The following PRDM15 variants were observed in gnomAD, a reference collection of about 807,000 sequenced individuals.
The protein encoded by PRDM15 is PR domain zinc finger protein 15.
In PRDM15, 64 loss-of-function variants were observed where a neutral mutation model predicts 128.6. That is an observed-to-expected ratio of 0.50 (90% CI 0.41 to 0.61). PRDM15 has a LOEUF of 0.61. PRDM15 is among the 20% of genes least tolerant of loss of function. The pLI, the probability that PRDM15 is intolerant of heterozygous loss-of-function variation, is 0.00. For synonymous variants in PRDM15, 615 were observed against 621.8 expected, an observed-to-expected ratio of 0.99 and a Z score of 0.16; for missense variants, 1,242 against 1,569.1, an observed-to-expected ratio of 0.79 and a Z score of 3.52.
intron 1 of PRDM15, chr21:41,861,492 A>G (rs1048931406): frequency 1.9e-5 from 25 of 1,318,704 alleles, no homozygotes; most frequent in Non-Finnish European, 2.4e-5. Context: ...GCATAAAGTG[A>G]GATACACACA....
chr21:41,862,507 G>C lies in PRDM15; in HGVS notation c.-9-2135C>G, dbSNP rs1023439395. ...CTGCTGGGAGAGGAAACCCAGAAGA[G>C]AGGGGCGAGGGAAGCTGGAGAGCAG... is the stretch of plus-strand genomic sequence containing the variant. On this transcript the variant is annotated intron_variant, in intron 1 of 23. Coordinates refer to ENST00000398548, the MANE Select transcript of PRDM15 (RefSeq NM_001040424.3). This position sits in a 1 kb window ranked among gnomAD's most constrained non-coding sequence, Gnocchi z 4.1. Among the ~76,000 whole-genome samples the C allele has an allele frequency of 3.3e-5, 5 of 152,170 alleles. No individual in the cohort carries two copies. The highest frequency in any genetic ancestry group is 3.3e-4 in the Admixed American group (5 of 15,284).
Position 41,859,791 on chromosome 21 carries a change from T to C in PRDM15, c.38-106A>G. The C allele has an allele frequency of 1.2e-6, 1 of 849,116 alleles. No homozygotes were observed. The highest frequency in any genetic ancestry group is 1.9e-6 in the Non-Finnish European group (1 of 522,050). 52.6% of individuals were successfully genotyped at this position (849,116 alleles called of 1,614,324 possible). A position where few individuals can be genotyped will look rare whatever the true frequency, so the allele number is the denominator to read the frequency against. On this transcript the variant is annotated intron_variant, in intron 2 of 23. Coordinates refer to ENST00000398548, the MANE Select transcript of PRDM15 (RefSeq NM_001040424.3). The surrounding 1 kb of genome is among the most constrained non-coding windows in gnomAD (Gnocchi z 5.3). ...GCCCCATGAGGGTGACCCAGAGTCA[T>C]GAGACACATGCATGCCGACACTGCA...
chr21:41,826,102 C>A (rs757703047), intron 12 of PRDM15, 48 bp from the exon 13 acceptor site: 3 of 1,452,706 alleles, frequency 2.1e-6, no homozygotes, highest in Non-Finnish European at 9.7e-7. Context: ...ACATAGAACA[C>A]GCGAAGGTCC....
chr21:41,860,106 G>A (rs375993194), intron 2 of PRDM15, among the ~76,000 whole-genome samples: 2 of 152,112 alleles, frequency 1.3e-5, no homozygotes, highest in South Asian at 2.1e-4. Flanking sequence ...AAGTGCCCTC[G>A]GCCAGGAGTT....
rs117129228 is a variant in PRDM15 at position 41,862,396 on chromosome 21, G to A, written c.-9-2024C>T. Among the ~76,000 whole-genome samples, 5,165 of 152,188 alleles carry A rather than the reference G, an allele frequency of 0.034. 130 individuals carry two copies. Among genetic ancestry groups the A allele is most frequent in the Middle Eastern group, 0.09 (26 of 290 alleles). On this transcript the variant is annotated intron_variant, in intron 1 of 23. Coordinates refer to ENST00000398548, the MANE Select transcript of PRDM15 (RefSeq NM_001040424.3). The surrounding 1 kb of genome is among the most constrained non-coding windows in gnomAD (Gnocchi z 4.1). ...AGGCCTTGTGTGGCCGCCTCTCCCC[G>A]GGGCAGACCTTGCCTCTGGCCTACA...
chr21:41,832,197 C>CT lies in PRDM15; in HGVS notation c.1366+3239dup, dbSNP rs1177151605. Among the ~76,000 whole-genome samples the CT allele has an allele frequency of 6.6e-6, 1 of 152,210 alleles. No homozygotes were observed. Among genetic ancestry groups the CT allele is most frequent in the African/African-American group, 2.4e-5 (1 of 41,448 alleles). On this transcript the variant is annotated intron_variant, in intron 11 of 23. Transcript: ENST00000398548. This position sits in a 1 kb window ranked among gnomAD's most constrained non-coding sequence, Gnocchi z 4.2. ...ACTGTAGATAATTTAGTGATGGAAT[C>CT]TTTAGTAATGCAGATTTTTTTCTTC... is the stretch of plus-strand genomic sequence containing the variant.
At position 41,823,496 on chromosome 21, in the gene PRDM15, G is replaced by C. The variant is rs73357703; in HGVS notation, c.1630-47C>G. On this transcript the variant is annotated intron_variant, in intron 13 of 23. Transcript: ENST00000398548. The stretch of plus-strand genomic sequence containing the variant: ...GTGAGGGGCTGCGGCGTCTCGTGAC[G>C]GGAAGGAGCCTCTCCATCAGGCTCC... 7 of 1,531,122 alleles carry C rather than the reference G, an allele frequency of 4.6e-6. 1 individual carries two copies. In the African/African-American group the frequency reaches 6.9e-5, roughly 15 times the overall value. The allele number at this position is 1,531,122 out of a possible 1,614,324, so 94.8% of individuals were successfully genotyped here.
At chr21:41,846,032 G>A (rs2146700170) in intron 6 of PRDM15, among the ~76,000 whole-genome samples, 1 of 152,156 alleles carries the variant, frequency 6.6e-6, no homozygotes, top group African/African-American at 2.4e-5. Flanking sequence ...AGGGCGAAAT[G>A]ACACATTCGT....
At chr21:41,842,553 C>T (rs1203748705) in intron 6 of PRDM15, among the ~76,000 whole-genome samples, 1 of 151,710 alleles carries the variant, frequency 6.6e-6, no homozygotes, top group East Asian at 1.9e-4. Flanking sequence ...GTGCAGTGTG[C>T]GATCTCGGCT....
At position 41,801,379 on chromosome 21, in the gene PRDM15, C is replaced by T. The variant is rs757500912; in HGVS notation, c.3287G>A (p.Ser1096Asn). 90 of 1,611,942 alleles carry T rather than the reference C, an allele frequency of 5.6e-5. No homozygotes were observed. The highest frequency in any genetic ancestry group is 7.4e-5 in the Non-Finnish European group (87 of 1,178,332). Reference protein sequence around the residue: ...NSITPLGSQLSDQHPLTWRAV... With the variant: ...NSITPLGSQLNDQHPLTWRAV... ...CCGCCACGTGAGCGGGTGCTGGTCACTAAGCTGGCTCCCCAGGGGCGTGAT... is the reference window on the plus strand; with the variant it reads ...CCGCCACGTGAGCGGGTGCTGGTCATTAAGCTGGCTCCCCAGGGGCGTGAT... Residue 1096 changes from serine to asparagine, a missense_variant, in exon 24 of 24, where the codon AGT becomes AAT. Physicochemically the swap from Ser to Asn is conservative, Grantham distance 46 (BLOSUM62 1). This residue lies in a region of PRDM15 where 602 missense variants were observed against 788.3 expected (regional missense o/e 0.76). Coordinates refer to ENST00000398548, the MANE Select transcript of PRDM15 (RefSeq NM_001040424.3).
Position 41,860,427 on chromosome 21 carries a change from G to A in PRDM15, c.-9-55C>T, listed in dbSNP as rs571496472. The A allele has an allele frequency of 1.2e-5, 18 of 1,547,720 alleles. No homozygotes were observed. In the African/African-American group the frequency reaches 2.0e-4, roughly 18 times the overall value. Reference sequence around the variant, plus strand: ...GACAAGCTCTTACCAAAATACTTTTGTTTTGTTTTTGAAATTGAGCTCCCT... The same window carrying A: ...GACAAGCTCTTACCAAAATACTTTTATTTTGTTTTTGAAATTGAGCTCCCT... On this transcript the variant is annotated intron_variant, in intron 1 of 23. Transcript: ENST00000398548.
intron 1 of PRDM15, chr21:41,877,287 T>C (rs930688251): frequency 6.6e-6 from 1 of 152,452 alleles, no homozygotes; most frequent in African/African-American, 2.4e-5. Flanking sequence ...AGTTTTATGA[T>C]TTTCTGTCTA....
At chr21:41,833,065 C>T (rs370498521) in intron 11 of PRDM15, among the ~76,000 whole-genome samples, 46 of 152,144 alleles carry the variant, frequency 3.0e-4, no homozygotes, top group Non-Finnish European at 4.7e-4. Context: ...TGGGGTCTGA[C>T]GAAGGGAGAG....
chr21:41,799,909 G>A lies in PRDM15; in HGVS notation c.*1331C>T, dbSNP rs2061377490. ...TGTTTCTTGTCGTGGGCAGCAGGAG[G>A]GCTGGGTGCCTCCCCCAACCCTGGC... On this transcript the variant is annotated 3_prime_UTR_variant, in exon 24 of 24. Coordinates refer to ENST00000398548, the MANE Select transcript of PRDM15 (RefSeq NM_001040424.3). 2 of 152,268 alleles carry A rather than the reference G, an allele frequency of 1.3e-5. No individual in the cohort carries two copies. Among genetic ancestry groups the A allele is most frequent in the African/African-American group, 4.8e-5 (2 of 41,438 alleles). The allele number at this position is 152,268 out of a possible 1,614,324, so 9.4% of individuals were successfully genotyped here. A position where few individuals can be genotyped will look rare whatever the true frequency, so the allele number is the denominator to read the frequency against.
chr21:41,806,027 CCA>C (rs2061567037), intron 21 of PRDM15, among the ~76,000 whole-genome samples: 3 of 8,446 alleles, frequency 3.6e-4, no homozygotes, highest in East Asian at 3.1e-3. Context: ...ATCACCACCA[CCA>C]CCATCACCAC....
intron 16 of PRDM15, among the ~76,000 whole-genome samples, chr21:41,820,678 G>A (rs556906661): frequency 1.6e-4 from 25 of 152,218 alleles, no homozygotes; most frequent in Admixed American, 2.6e-4. Flanking sequence ...CTTTGTTAGC[G>A]CCCCTGCACG....
chr21:41,858,273 G>A (rs2063699459), intron 3 of PRDM15, among the ~76,000 whole-genome samples: 1 of 152,260 alleles, frequency 6.6e-6, no homozygotes, highest in East Asian at 1.9e-4. Flanking sequence ...ACACGTCCAG[G>A]ACAGAGGCGG....
At chr21:41,819,997 G>A (rs1222454011) in intron 17 of PRDM15, 98 bp downstream of exon 17, 20 of 1,044,204 alleles carry the variant, frequency 1.9e-5, no homozygotes, top group Non-Finnish European at 2.8e-5. Context: ...GGCAAGGTGC[G>A]ACGGCTCTGT....
chr21:41,879,242 G>A lies in PRDM15; in HGVS notation c.-10+28C>T, dbSNP rs2064555151. ...GCCGGCGGGGCGCACGCCGGGGCGGGCGGCGGGCGCAGGGCCCGGAGCTTT... is the reference window on the plus strand; with the variant it reads ...GCCGGCGGGGCGCACGCCGGGGCGGACGGCGGGCGCAGGGCCCGGAGCTTT... On this transcript the variant is annotated intron_variant, in intron 1 of 23. Transcript: ENST00000398548. The surrounding 1 kb of genome is among the most constrained non-coding windows in gnomAD (Gnocchi z 5.1). 11 of 901,996 alleles carry A rather than the reference G, an allele frequency of 1.2e-5. No individual in the cohort carries two copies. Among genetic ancestry groups the A allele is most frequent in the Non-Finnish European group, 1.5e-5 (11 of 750,014 alleles). The allele number at this position is 901,996 out of a possible 1,614,324, so 55.9% of individuals were successfully genotyped here.
Sources: allele counts gnomAD v4.1 joint callset (sites outside exome capture counted in the v4.1 genomes callset), GRCh38; gene constraint gnomAD v4.1.1; regional missense constraint gnomAD v4.1.1; non-coding constraint Gnocchi (gnomAD v3.1); transcripts MANE v1.5; gene names NCBI Gene and HGNC (gene_info 2026-07-23, HGNC 2026-07-21).